Variants in NFE2L2 observed in about 807,000 individuals in gnomAD.
NFE2L2 encodes the protein nuclear factor erythroid 2-related factor 2.
A neutral mutation model predicts 49.6 loss-of-function variants in NFE2L2; 20 were observed. The ratio of observed to expected loss-of-function variants is 0.40; its 90% CI spans 0.28 to 0.59. The LOEUF (loss-of-function observed/expected upper bound fraction) is 0.59. Ranked by LOEUF, NFE2L2 falls within the 20% of genes least tolerant of loss-of-function variation. NFE2L2 has a pLI of 0.40. For missense variants in NFE2L2, 578 were observed against 714.2 expected, an observed-to-expected ratio of 0.81 and a Z score of 2.17; for synonymous variants, 244 against 256.5, an observed-to-expected ratio of 0.95 and a Z score of 0.47.
rs748579076 is a variant in NFE2L2 at position 177,231,205 on chromosome 2, G to A, written c.1398C>T (p.Ile466=). The A allele has an allele frequency of 6.2e-7, 1 of 1,614,200 alleles. No homozygotes were observed. The highest frequency in any genetic ancestry group is 8.5e-7 in the Non-Finnish European group (1 of 1,180,042). ...RDELRAKALH[I]PFPVEKIINL... is the part of the protein sequence containing the mutation. ...TAATGATTTTTTCTACAGGGAATGG[G>A]ATATGGAGAGCTTTTGCCCTAAGTT... is the stretch of plus-strand genomic sequence containing the variant. Residue 466 remains isoleucine, a synonymous_variant, in exon 5 of 5, where the codon ATC becomes ATT. Coordinates refer to ENST00000397062, the MANE Select transcript of NFE2L2 (RefSeq NM_006164.5).
chr2:177,257,465 C>G (rs181844919), intron 1 of NFE2L2, among the ~76,000 whole-genome samples: 7 of 152,204 alleles, frequency 4.6e-5, no homozygotes, highest in Non-Finnish European at 8.8e-5. Context: ...TTCAAACACT[C>G]GCCAGGCACT....
At chr2:177,233,912 G>A (rs1689649753) in intron 2 of NFE2L2, 93 bp downstream of exon 2, 1 of 1,504,286 alleles carries the variant, frequency 6.6e-7, no homozygotes, top group African/African-American at 1.4e-5. Flanking sequence ...TAAAAGAAAG[G>A]CAAAGCTGGA....
intron 1 of NFE2L2, among the ~76,000 whole-genome samples, chr2:177,237,176 AT>A (rs1303735358): frequency 2.6e-5 from 4 of 152,140 alleles, no homozygotes; most frequent in African/African-American, 9.7e-5. Flanking sequence ...TTTTCCAAAT[AT>A]TTTTGAACCA....
rs1434375367 is a variant in NFE2L2, at chr2:177,231,098, C to T, written c.1505G>A (p.Arg502His). Residue 502 changes from arginine (R) to histidine (H), a missense_variant, in exon 5 of 5, where the codon CGT (arginine) becomes CAT (histidine). Around this residue, in one of 3 missense-constraint regions of NFE2L2, gnomAD observed 117 missense variants for 175.8 expected, o/e 0.67. Coordinates refer to ENST00000397062, the MANE Select transcript of NFE2L2 (RefSeq NM_006164.5). The part of the protein sequence containing the change: ...EAQLALIRDI[R>H]RRGKNKVAAQ... ...AGCCACTTTATTCTTACCCCTCCTACGTATATCCCGAATTAATGCAAGTTG... is the reference window on the plus strand; with the variant it reads ...AGCCACTTTATTCTTACCCCTCCTATGTATATCCCGAATTAATGCAAGTTG... 3.7e-6 allele frequency: 6 copies of T among 1,614,094 alleles called. No individual in the cohort carries two copies. The highest frequency in any genetic ancestry group is 1.7e-5 in the Admixed American group (1 of 60,022).
chr2:177,256,064 T>C (rs1048364778), intron 1 of NFE2L2: 2 of 154,678 alleles, frequency 1.3e-5, no homozygotes, highest in Non-Finnish European at 2.9e-5. Context: ...TTGCGAAATA[T>C]TCATGGTTCT....
chr2:177,231,750 A>G lies in NFE2L2; in HGVS notation c.853T>C (p.Phe285Leu). Residue 285 changes from phenylalanine (F) to leucine (L), a missense_variant, in exon 5 of 5, where the codon TTT becomes CTT. This residue lies in a region of NFE2L2 where 368 missense variants were observed against 384.6 expected (regional missense o/e 0.96). Coordinates refer to ENST00000397062, the MANE Select transcript of NFE2L2 (RefSeq NM_006164.5). ...ATVNTDFGDE[F>L]YSAFIAEPSI... Reference sequence around the variant, plus strand: ...GGCTCAGCTATGAAAGCAGAATAAAATTCATCACCAAAATCTGTGTTGACT... The same window carrying G: ...GGCTCAGCTATGAAAGCAGAATAAAGTTCATCACCAAAATCTGTGTTGACT... 6.2e-7 allele frequency: 1 copy of G among 1,614,238 alleles called. No homozygotes were observed. The highest frequency in any genetic ancestry group is 8.5e-7 in the Non-Finnish European group (1 of 1,180,040).
Position 177,232,601 on chromosome 2 carries a change from T to A in NFE2L2, c.403-18A>T. 1 of 1,611,988 alleles carries A rather than the reference T, an allele frequency of 6.2e-7. No individual in the cohort carries two copies. The highest frequency in any genetic ancestry group is 8.5e-7 in the Non-Finnish European group (1 of 1,178,488). On this transcript the variant is annotated intron_variant, in intron 3 of 4. Transcript: ENST00000397062. ...GAAGAAACCTAAAATTGATAAGGCATTGATTTATGAGTCTTCCACCAACAG... is the reference window on the plus strand; with the variant it reads ...GAAGAAACCTAAAATTGATAAGGCAATGATTTATGAGTCTTCCACCAACAG...
At chr2:177,234,525 G>A (rs1332435296) in intron 1 of NFE2L2, among the ~76,000 whole-genome samples, 3 of 152,208 alleles carry the variant, frequency 2.0e-5, no homozygotes, top group Admixed American at 2.0e-4. Flanking sequence ...ATTAATGATA[G>A]GGTGATGGTA....
intron 2 of NFE2L2, chr2:177,233,681 G>A: frequency 2.0e-6 from 1 of 506,108 alleles, no homozygotes; most frequent in Non-Finnish European, 3.5e-6. Flanking sequence ...ACACAGTAAC[G>A]CCAGTAATCC....
chr2:177,254,901 A>G (rs1690463537), intron 1 of NFE2L2, among the ~76,000 whole-genome samples: 1 of 152,156 alleles, frequency 6.6e-6, no homozygotes, highest in Non-Finnish European at 1.5e-5. Context: ...CTTCCCCATA[A>G]TCTTGCCAGT....
chr2:177,255,191 G>C (rs570013314), intron 1 of NFE2L2, among the ~76,000 whole-genome samples: 1 of 152,166 alleles, frequency 6.6e-6, no homozygotes, highest in Admixed American at 6.5e-5. Flanking sequence ...ATGTCTACCC[G>C]CATCTCTCTG....
rs61130794 is a variant in NFE2L2 at position 177,255,953 on chromosome 2, G to T, written c.45+8579C>A. ...TGAAAAATTGGCAAGTTTTCCTATT[G>T]CAAGTAAAAAACTCTCATTTTTTAA... On this transcript the variant is annotated intron_variant, in intron 1 of 4. Coordinates refer to ENST00000397062, the MANE Select transcript of NFE2L2 (RefSeq NM_006164.5). 6.0e-3 allele frequency: 920 copies of T among 153,980 alleles called. 10 individuals are homozygous for T. Among genetic ancestry groups the T allele is most frequent in the African/African-American group, 0.021 (873 of 41,442 alleles). The allele number at this position is 153,980 out of a possible 1,614,324, so 9.5% of individuals were successfully genotyped here.
At chr2:177,250,825 G>T (rs116239726) in intron 1 of NFE2L2, among the ~76,000 whole-genome samples, 1,967 of 152,302 alleles carry the variant, frequency 0.013, 41 homozygotes, top group African/African-American at 0.045. Flanking sequence ...GGTAACTGTG[G>T]CCTAGCCACC....
chr2:177,263,577 A>C, intron 1 of NFE2L2: 1 of 985,458 alleles, frequency 1.0e-6, no homozygotes, highest in Non-Finnish European at 1.2e-6. Context: ...TAAAGCAGGA[A>C]AGGGCCAACC....
At chr2:177,241,127 A>G (rs779210867) in intron 1 of NFE2L2, among the ~76,000 whole-genome samples, 2 of 152,246 alleles carry the variant, frequency 1.3e-5, no homozygotes, top group Non-Finnish European at 2.9e-5. Flanking sequence ...CTCAACAGAA[A>G]GCGAAACTGA....
At chr2:177,242,538 C>T (rs1459637442) in intron 1 of NFE2L2, among the ~76,000 whole-genome samples, 1 of 152,158 alleles carries the variant, frequency 6.6e-6, no homozygotes, top group Non-Finnish European at 1.5e-5. Context: ...GAAAGTGGTC[C>T]GGTTTCTTCA....
At chr2:177,259,044 T>C (rs1690632093) in intron 1 of NFE2L2, among the ~76,000 whole-genome samples, 1 of 152,236 alleles carries the variant, frequency 6.6e-6, no homozygotes, top group Non-Finnish European at 1.5e-5. Flanking sequence ...GCGCAGTGGC[T>C]CACGCCTATA....
chr2:177,232,994 G>A (rs1689610926), intron 3 of NFE2L2: 2 of 513,810 alleles, frequency 3.9e-6, no homozygotes, highest in African/African-American at 2.0e-5. Context: ...TGGTTATGCT[G>A]TCCATGTTTC....
intron 1 of NFE2L2, among the ~76,000 whole-genome samples, chr2:177,254,750 AG>A (rs1309812378): frequency 6.6e-6 from 1 of 152,184 alleles, no homozygotes; most frequent in Non-Finnish European, 1.5e-5. Flanking sequence ...CAATGAAAAA[AG>A]AAAGAAGAGA....
Sources: gnomAD v4.1 joint callset for allele counts (sites outside exome capture counted in the v4.1 genomes callset) on GRCh38, gnomAD v4.1.1 for gene constraint, gnomAD v4.1.1 regional missense constraint, MANE v1.5 for transcripts, NCBI Gene and HGNC (gene_info 2026-07-23, HGNC 2026-07-21) for gene names.